ACBD6: variants seen among roughly 807,000 people sequenced by gnomAD.
ACBD6 encodes the protein acyl-CoA binding domain containing 6.
In ACBD6, 28 loss-of-function variants were observed where a neutral mutation model predicts 37.2. The ratio of observed to expected loss-of-function variants is 0.75; its 90% CI spans 0.56 to 1.03. The LOEUF is 1.03. Among genes scored for constraint, ACBD6 ranks in the 50% least tolerant of loss-of-function variants. ACBD6 has a pLI of 0.00. For synonymous variants in ACBD6, 113 were observed against 126.8 expected (o/e 0.89, Z 0.73); for missense variants, 340 against 337.4 (o/e 1.01, Z -0.06).
intron 6 of ACBD6, among the ~76,000 whole-genome samples, chr1:180,375,338 G>T (rs7548819): frequency 0.82 from 123,047 of 150,792 alleles, 50,543 homozygotes; most frequent in Non-Finnish European, 0.88. Context: ...GGAACAGACT[G>T]TTTTTTTTTG....
At chr1:180,472,447 T>C (rs1259703953) in intron 3 of ACBD6, among the ~76,000 whole-genome samples, 3 of 152,168 alleles carry the variant, frequency 2.0e-5, no homozygotes, top group Non-Finnish European at 2.9e-5. Flanking sequence ...AGGGTAGTTG[T>C]TGGTCTAGAG....
intron 3 of ACBD6, among the ~76,000 whole-genome samples, chr1:180,481,975 G>T (rs1163196912): frequency 1.3e-5 from 2 of 152,096 alleles, no homozygotes; most frequent in Non-Finnish European, 2.9e-5. Context: ...TGAGATGAGA[G>T]TTTTAATACA....
chr1:180,298,759 C>A (rs1457957347), intron 7 of ACBD6, among the ~76,000 whole-genome samples: 1 of 152,178 alleles, frequency 6.6e-6, no homozygotes, highest in Admixed American at 6.5e-5. Context: ...ATATGGCATT[C>A]ATATGAAAGG....
intron 6 of ACBD6, among the ~76,000 whole-genome samples, chr1:180,361,347 T>A (rs1035376179): frequency 6.6e-6 from 1 of 150,744 alleles, no homozygotes; most frequent in African/African-American, 2.4e-5. Context: ...GTCAGGGCGC[T>A]ACCTTAAAGA....
At chr1:180,289,608 T>C (rs1165137253) in intron 7 of ACBD6, among the ~76,000 whole-genome samples, 2 of 152,216 alleles carry the variant, frequency 1.3e-5, no homozygotes, top group East Asian at 1.9e-4. Flanking sequence ...CTTTTGCATA[T>C]GTTCTCCAGG....
intron 3 of ACBD6, among the ~76,000 whole-genome samples, chr1:180,480,122 G>C (rs1337134075): frequency 6.6e-6 from 1 of 152,222 alleles, no homozygotes; most frequent in Admixed American, 6.5e-5. Context: ...GGTGGACTTT[G>C]TATATCATGC....
intron 9 of ACBD6, chr1:180,276,539 G>C (rs1307819252): frequency 1.3e-5 from 2 of 152,170 alleles, no homozygotes; most frequent in Non-Finnish European, 2.9e-5. Flanking sequence ...AGCCAATTCT[G>C]TGCTATTGGG....
At chr1:180,476,638 C>T (rs1650804297) in intron 3 of ACBD6, among the ~76,000 whole-genome samples, 1 of 152,092 alleles carries the variant, frequency 6.6e-6, no homozygotes, top group Admixed American at 6.5e-5. Context: ...CCAGCCTGGT[C>T]AACATGGTGA....
At position 180,451,352 on chromosome 1, in the gene ACBD6, C is replaced by T. The variant is rs77267293; in HGVS notation, c.385-21090G>A. On this transcript the variant is annotated intron_variant, in intron 3 of 7. Transcript: ENST00000367595. ...CAAAGTTAAACACAGAATTACCATT[C>T]GATCCAGCAATTCCACTCCTGGATA... is the stretch of plus-strand genomic sequence containing the variant. Among the ~76,000 whole-genome samples the T allele has an allele frequency of 2.8e-4, 43 of 152,210 alleles. No individual in the cohort carries two copies. The East Asian group carries it at 6.9e-3, about 25-fold the overall frequency.
intron 1 of ACBD6, among the ~76,000 whole-genome samples, chr1:180,495,774 C>T (rs1651709971): frequency 6.6e-6 from 1 of 152,114 alleles, no homozygotes. Flanking sequence ...TACAGAAAAA[C>T]TGTGATAAAC....
intron 5 of ACBD6, among the ~76,000 whole-genome samples, chr1:180,406,251 T>TA (rs1176039070): frequency 1.3e-5 from 2 of 151,828 alleles, no homozygotes; most frequent in South Asian, 2.1e-4. Context: ...AATTTTAGAT[T>TA]AAAAAAAATA....
At chr1:180,294,962 G>A (rs552785683) in intron 7 of ACBD6, among the ~76,000 whole-genome samples, 1 of 152,244 alleles carries the variant, frequency 6.6e-6, no homozygotes, top group South Asian at 2.1e-4. Context: ...GTCTCCCAAA[G>A]TGCTGGGATT....
At chr1:180,461,364 T>C (rs1650140143) in intron 3 of ACBD6, among the ~76,000 whole-genome samples, 1 of 152,150 alleles carries the variant, frequency 6.6e-6, no homozygotes, top group South Asian at 2.1e-4. Flanking sequence ...CCAACCTTAC[T>C]AGACAGACCA....
chr1:180,333,408 T>C (rs574059783), intron 6 of ACBD6, among the ~76,000 whole-genome samples: 5 of 152,258 alleles, frequency 3.3e-5, no homozygotes, highest in East Asian at 1.9e-4. Flanking sequence ...TGACAATGAG[T>C]ATGAAAAAGG....
intron 7 of ACBD6, among the ~76,000 whole-genome samples, chr1:180,291,075 C>A (rs1034003129): frequency 6.6e-6 from 1 of 152,210 alleles, no homozygotes. Flanking sequence ...CACATTGCTT[C>A]AAGTATCAGT....
intron 3 of ACBD6, among the ~76,000 whole-genome samples, chr1:180,449,688 T>G (rs1390926135): frequency 6.6e-6 from 1 of 151,786 alleles, no homozygotes; most frequent in East Asian, 1.9e-4. Context: ...CCGCATGTTC[T>G]CACTCATAGG....
chr1:180,501,336 A>G (rs1238099481), intron 1 of ACBD6, among the ~76,000 whole-genome samples: 1 of 39,616 alleles, frequency 2.5e-5, no homozygotes, highest in Admixed American at 3.4e-4. Flanking sequence ...TTTGCATTGC[A>G]TCACATTATT....
At chr1:180,308,641 A>G (rs1279829747) in intron 7 of ACBD6, among the ~76,000 whole-genome samples, 1 of 152,190 alleles carries the variant, frequency 6.6e-6, no homozygotes, top group South Asian at 2.1e-4. Flanking sequence ...CTTTTAAACG[A>G]AGGATATAGC....
intron 3 of ACBD6, among the ~76,000 whole-genome samples, chr1:180,455,372 G>C (rs1649875342): frequency 1.3e-5 from 2 of 151,996 alleles, no homozygotes; most frequent in South Asian, 4.2e-4. Flanking sequence ...GGCCTATCGG[G>C]GGTTGGGGGA....
Sources: gnomAD v4.1 joint callset for allele counts (sites outside exome capture counted in the v4.1 genomes callset) on GRCh38, gnomAD v4.1.1 for gene constraint, MANE v1.5 for transcripts, NCBI Gene and HGNC (gene_info 2026-07-23, HGNC 2026-07-21) for gene names.